The following CEP350 variants were observed in gnomAD, a reference collection of about 807,000 sequenced individuals.
CEP350 encodes centrosomal protein 350.
In CEP350, 126 loss-of-function variants were observed where a neutral mutation model predicts 331.8. The observed-to-expected ratio is 0.38, with a 90% confidence interval of 0.33 to 0.44. The LOEUF (loss-of-function observed/expected upper bound fraction) is 0.44. Among genes scored for constraint, CEP350 ranks in the 20% least tolerant of loss-of-function variants. The pLI is 1.00. For synonymous variants in CEP350, 1,200 were observed against 1,259.5 expected (o/e 0.95, Z 1.00); for missense variants, 3,406 against 3,634.6 (o/e 0.94, Z 1.62).
rs577601707 is a variant in CEP350 at position 180,087,638 on chromosome 1, C to T, written c.6346C>T (p.Pro2116Ser). The T allele has an allele frequency of 8.3e-6, 13 of 1,559,980 alleles. No homozygotes were observed. The highest frequency in any genetic ancestry group is 2.4e-5 in the East Asian group (1 of 41,944). ...GCTTAGCCAAGATTTGGAAACATCA[C>T]CAACAGCCAAGCCTCAGATTAAAAC... Reference protein sequence around the residue: ...AELSQDLETSPTAKPQIKTLS... With the variant: ...AELSQDLETSSTAKPQIKTLS... Residue 2116 changes from proline to serine, a missense_variant, in exon 32 of 38, where the codon CCA becomes TCA. Pro to Ser is a moderately conservative substitution (Grantham distance 74). Coordinates refer to ENST00000367607, the MANE Select transcript of CEP350 (RefSeq NM_014810.5).
intron 29 of CEP350, among the ~76,000 whole-genome samples, chr1:180,079,445 T>C (rs1659428256): frequency 6.6e-6 from 1 of 151,938 alleles, no homozygotes; most frequent in African/African-American, 2.4e-5. Context: ...GGTTCATTTG[T>C]GTTACAGCAC....
chr1:180,019,889 A>G, intron 11 of CEP350, 60 bp from the exon 12 acceptor site: 1 of 1,494,528 alleles, frequency 6.7e-7, no homozygotes, highest in Admixed American at 2.3e-5. Context: ...ATCAGATAAA[A>G]AAAAAACTTT....
chr1:180,072,097 A>G (rs9425857), intron 27 of CEP350, among the ~76,000 whole-genome samples: 107,705 of 151,980 alleles, frequency 0.71, 39,541 homozygotes, highest in Admixed American at 0.79. Context: ...CCTATAAGGA[A>G]TGTATTTATA....
intron 17 of CEP350, among the ~76,000 whole-genome samples, chr1:180,037,315 A>G (rs1479477305): frequency 6.6e-6 from 1 of 152,000 alleles, no homozygotes; most frequent in African/African-American, 2.4e-5. Context: ...TTTGTTTTCC[A>G]TGTTTTCTGC....
At chr1:179,986,483 G>A (rs1221424965) in intron 2 of CEP350, among the ~76,000 whole-genome samples, 1 of 152,144 alleles carries the variant, frequency 6.6e-6, no homozygotes, top group East Asian at 1.9e-4. Flanking sequence ...ACCAGTATAT[G>A]TAAAATTTTT....
intron 1 of CEP350, among the ~76,000 whole-genome samples, chr1:179,955,793 A>G (rs554683201): frequency 3.9e-5 from 6 of 152,268 alleles, no homozygotes; most frequent in Non-Finnish European, 7.3e-5. Context: ...ACATAGGCAT[A>G]GATTTTAATG....
intron 3 of CEP350, among the ~76,000 whole-genome samples, chr1:179,988,296 CAA>C (rs532507277): frequency 4.3e-4 from 37 of 86,552 alleles, no homozygotes; most frequent in Admixed American, 7.8e-4. Flanking sequence ...GATCCTGTCT[CAA>C]AAAAAAAAAA....
intron 2 of CEP350, among the ~76,000 whole-genome samples, chr1:179,986,647 T>C (rs1469223413): frequency 2.6e-5 from 4 of 152,096 alleles, no homozygotes; most frequent in South Asian, 2.1e-4. Flanking sequence ...TTGAGGGAGA[T>C]TGACAAACTA....
chr1:180,024,659 G>T (rs919993992), intron 14 of CEP350, 77 bp downstream of exon 14: 2 of 1,411,484 alleles, frequency 1.4e-6, no homozygotes, highest in South Asian at 1.6e-5. Flanking sequence ...TGATTTGATT[G>T]CATAAGAAGT....
chr1:180,080,766 C>A, intron 30 of CEP350, 105 bp downstream of exon 30: 1 of 914,468 alleles, frequency 1.1e-6, no homozygotes, highest in Non-Finnish European at 1.8e-6. Context: ...TGTAGACAGA[C>A]AGTGGTGAGT....
chr1:180,093,574 C>T lies in CEP350; in HGVS notation c.7469C>T (p.Thr2490Ile), dbSNP rs1660313278. 1 of 1,613,962 alleles carries T rather than the reference C, an allele frequency of 6.2e-7. No homozygotes were observed. The highest frequency in any genetic ancestry group is 8.5e-7 in the Non-Finnish European group (1 of 1,179,848). ...TCCCCTTCCTTGGCTTCAGTTCCTACTGCAGACGAGTTATTTGATTTCCAC... is the reference window on the plus strand; with the variant it reads ...TCCCCTTCCTTGGCTTCAGTTCCTATTGCAGACGAGTTATTTGATTTCCAC... The part of the protein sequence containing the change: ...TESPSLASVP[T>I]ADELFDFHIG... Residue 2490 changes from threonine to isoleucine, a missense_variant, in exon 34 of 38, where the codon ACT (threonine) becomes ATT (isoleucine). By Grantham distance (89) the Thr-to-Ile change is moderately conservative (BLOSUM62 -1). Transcript: ENST00000367607.
rs775127258 is a variant in CEP350 at position 180,053,874 on chromosome 1, G to A, written c.5114G>A (p.Arg1705His). 5.6e-6 allele frequency: 9 copies of A among 1,610,704 alleles called. No homozygotes were observed. The highest frequency in any genetic ancestry group is 1.1e-5 in the South Asian group (1 of 90,542). ...AAHQSSLLRL[R>H]EKALKEKTKA... ...CACCAGTCTTCACTCCTGCGTCTCC[G>A]TGAAAAGGCCTTGAAGGAGAAGACT... The change falls in exon 24 of 38, where the codon CGT becomes CAT. Residue 1705 changes from arginine to histidine, a missense_variant. Coordinates refer to ENST00000367607, the MANE Select transcript of CEP350 (RefSeq NM_014810.5).
intron 21 of CEP350, 122 bp downstream of exon 21, chr1:180,044,295 G>T: frequency 1.0e-6 from 1 of 998,204 alleles, no homozygotes; most frequent in Non-Finnish European, 1.3e-6. Flanking sequence ...GCCCTTCAAA[G>T]TGCTGGCTTC....
At chr1:180,049,807 G>A (rs1196550425) in intron 22 of CEP350, among the ~76,000 whole-genome samples, 3 of 152,216 alleles carry the variant, frequency 2.0e-5, no homozygotes, top group Non-Finnish European at 2.9e-5. Context: ...CTCCCAAAGT[G>A]CTGGGATTAC....
At chr1:179,984,651 T>C (rs1055711320) in intron 1 of CEP350, among the ~76,000 whole-genome samples, 2 of 152,198 alleles carry the variant, frequency 1.3e-5, no homozygotes, top group Non-Finnish European at 2.9e-5. Flanking sequence ...GGAGAATAAT[T>C]AATTTCCACA....
intron 1 of CEP350, among the ~76,000 whole-genome samples, chr1:179,978,657 ATTGAC>A (rs1652054924): frequency 1.3e-5 from 2 of 151,920 alleles, no homozygotes; most frequent in Non-Finnish European, 1.5e-5. Flanking sequence ...TTCCTGGCTT[ATTGAC>A]TTAACATAAC....
chr1:179,997,464 A>AC (rs889507568), intron 6 of CEP350, among the ~76,000 whole-genome samples: 9 of 149,810 alleles, frequency 6.0e-5, no homozygotes, highest in African/African-American at 2.2e-4. Context: ...AATGGTGTGA[A>AC]CCCGGGAGGC....
Position 180,041,226 on chromosome 1 carries a change from A to T in CEP350, c.4199A>T (p.Glu1400Val). Reference sequence around the variant, plus strand: ...CTGGAGAGTCAGAGACAATTAGAAGAAACCCGAAACAAAGCAGCTCAGGTA... The same window carrying T: ...CTGGAGAGTCAGAGACAATTAGAAGTAACCCGAAACAAAGCAGCTCAGGTA... ...EALESQRQLEETRNKAAQVHA... is the reference protein window; with the variant it reads ...EALESQRQLEVTRNKAAQVHA... The change falls in exon 18 of 38, where the codon GAA becomes GTA. Residue 1400 changes from glutamate (E) to valine (V), a missense_variant. Coordinates refer to ENST00000367607, the MANE Select transcript of CEP350 (RefSeq NM_014810.5). 1 of 1,592,092 alleles carries T rather than the reference A, an allele frequency of 6.3e-7. No individual in the cohort carries two copies. The highest frequency in any genetic ancestry group is 8.6e-7 in the Non-Finnish European group (1 of 1,169,328).
intron 6 of CEP350, among the ~76,000 whole-genome samples, chr1:180,002,030 G>A (rs1469545746): frequency 6.6e-6 from 1 of 152,188 alleles, no homozygotes; most frequent in African/African-American, 2.4e-5. Flanking sequence ...AGTATCATTA[G>A]TTATTAGGGG....
Sources: gnomAD v4.1 joint callset for allele counts (sites outside exome capture counted in the v4.1 genomes callset) on GRCh38, gnomAD v4.1.1 for gene constraint, MANE v1.5 for transcripts, NCBI Gene and HGNC (gene_info 2026-07-23, HGNC 2026-07-21) for gene names.